Variants in GNB1 observed in about 807,000 individuals in gnomAD.
The protein encoded by GNB1 is G protein subunit beta 1, also known as guanine nucleotide-binding protein G(I)/G(S)/G(T) subunit beta-1.
In GNB1, 2 loss-of-function variants were observed where a neutral mutation model predicts 42.9. That is an observed-to-expected ratio of 0.05 (90% CI 0.02 to 0.15). The LOEUF (loss-of-function observed/expected upper bound fraction) is 0.15, where lower values mean the gene tolerates loss of function less well. Ranked by LOEUF, GNB1 falls within the 10% of genes least tolerant of loss-of-function variation. The probability of loss-of-function intolerance (pLI) is 1.00; values close to 1 mark genes in which losing one functional copy is unlikely to be tolerated. For synonymous variants in GNB1, 183 were observed against 174.7 expected, an observed-to-expected ratio of 1.05 and a Z score of -0.38; for missense variants, 193 against 462.2, an observed-to-expected ratio of 0.42 and a Z score of 5.34.
intron 1 of GNB1, among the ~76,000 whole-genome samples, chr1:1,863,823 A>C (rs1209084607): frequency 6.6e-6 from 1 of 152,240 alleles, no homozygotes; most frequent in Admixed American, 6.5e-5. Context: ...AGTATATGGC[A>C]GCACATAATT....
chr1:1,882,700 A>G, intron 1 of GNB1, among the ~76,000 whole-genome samples: 1 of 152,170 alleles, frequency 6.6e-6, no homozygotes, highest in East Asian at 1.9e-4. Flanking sequence ...AGGCAGGCAG[A>G]TCACGAGGTC....
rs984519325 is a variant in GNB1 at position 1,806,239 on chromosome 1, C to A, written c.267+236G>T. Among the ~76,000 whole-genome samples the A allele has an allele frequency of 3.3e-5, 5 of 152,184 alleles. No homozygotes were observed. The East Asian group carries it at 9.6e-4, about 29-fold the overall frequency. Reference sequence around the variant, plus strand: ...ACAGAAGGTCCTTAGCTCCCACCAGCTTGGTAAGGAGATGACGGACAACAG... The same window carrying A: ...ACAGAAGGTCCTTAGCTCCCACCAGATTGGTAAGGAGATGACGGACAACAG... On this transcript the variant is annotated intron_variant, in intron 6 of 11. Transcript: ENST00000378609.
At chr1:1,873,826 T>G (rs1334923352) in intron 1 of GNB1, among the ~76,000 whole-genome samples, 1 of 151,890 alleles carries the variant, frequency 6.6e-6, no homozygotes, top group Non-Finnish European at 1.5e-5. Context: ...TTAAATAAAC[T>G]TGGCACCGAG....
At chr1:1,872,501 T>TA (rs1649302245) in intron 1 of GNB1, among the ~76,000 whole-genome samples, 1 of 152,194 alleles carries the variant, frequency 6.6e-6, no homozygotes, top group Non-Finnish European at 1.5e-5. Context: ...CTTCCACCCC[T>TA]ACCTCTGCCC....
At chr1:1,829,992 G>A (rs1351471494) in intron 2 of GNB1, among the ~76,000 whole-genome samples, 2 of 151,912 alleles carry the variant, frequency 1.3e-5, no homozygotes, top group Non-Finnish European at 2.9e-5. Context: ...CGCCCACCTC[G>A]GCCTCCCAAA....
chr1:1,836,851 GCTAA>G lies in GNB1; in HGVS notation c.-47+2335_-47+2338del, dbSNP rs1447699694. 5.8e-4 allele frequency among the ~76,000 whole-genome samples: 83 copies of G among 142,966 alleles called. 1 individual carries two copies. The highest frequency in any genetic ancestry group is 1.7e-3 in the African/African-American group (65 of 37,886). The allele number at this position is 142,966 out of a possible 152,430, so 93.8% of individuals were successfully genotyped here. On this transcript the variant is annotated intron_variant, in intron 2 of 11. Transcript: ENST00000378609. ...CAGGTGTGAGCCACCGTGCCCGACTGCTAACTTTTTTTTTTTTTTTTTTTTGAAG... is the reference window on the plus strand; with the variant it reads ...CAGGTGTGAGCCACCGTGCCCGACTGCTTTTTTTTTTTTTTTTTTTTGAAG...
intron 1 of GNB1, among the ~76,000 whole-genome samples, chr1:1,859,500 T>A (rs1648492818): frequency 6.6e-6 from 1 of 151,698 alleles, no homozygotes; most frequent in African/African-American, 2.4e-5. Context: ...AACAAAAAAA[T>A]TCAATAAAGG....
chr1:1,800,925 C>T (rs1314991319), intron 7 of GNB1, among the ~76,000 whole-genome samples: 2 of 152,216 alleles, frequency 1.3e-5, no homozygotes, highest in African/African-American at 2.4e-5. Flanking sequence ...TGACTTGTTC[C>T]GGGTAGGGCT....
chr1:1,861,629 G>T (rs1648632601), intron 1 of GNB1, among the ~76,000 whole-genome samples: 1 of 151,818 alleles, frequency 6.6e-6, no homozygotes, highest in African/African-American at 2.4e-5. Flanking sequence ...TGATGGAGGG[G>T]CAAGAGAGGA....
At chr1:1,803,120 T>C (rs1646647975) in intron 7 of GNB1, among the ~76,000 whole-genome samples, 3 of 152,236 alleles carry the variant, frequency 2.0e-5, no homozygotes, top group South Asian at 4.1e-4. Flanking sequence ...GGCGGAGTGT[T>C]ATCAAAAAGT....
At chr1:1,856,915 G>A (rs1449505774) in intron 1 of GNB1, among the ~76,000 whole-genome samples, 5 of 152,192 alleles carry the variant, frequency 3.3e-5, no homozygotes, top group Admixed American at 2.6e-4. Context: ...TCTTCTGAGG[G>A]AAGTATCCTA....
intron 1 of GNB1, among the ~76,000 whole-genome samples, chr1:1,881,795 G>A (rs1354094446): frequency 2.6e-5 from 4 of 152,152 alleles, no homozygotes; most frequent in Non-Finnish European, 2.9e-5. Context: ...TGGATGTGCT[G>A]TGCTCTTATG....
intron 1 of GNB1, among the ~76,000 whole-genome samples, chr1:1,861,628 G>T (rs1318127534): frequency 1.3e-4 from 20 of 151,804 alleles, no homozygotes; most frequent in Admixed American, 1.3e-3. Flanking sequence ...GTGATGGAGG[G>T]GCAAGAGAGG....
intron 1 of GNB1, among the ~76,000 whole-genome samples, chr1:1,881,276 C>T (rs1423885789): frequency 6.6e-6 from 1 of 152,110 alleles, no homozygotes; most frequent in Non-Finnish European, 1.5e-5. Context: ...GACCCCTTTC[C>T]TCTTCTACAG....
chr1:1,884,020 C>T (rs1650007558), intron 1 of GNB1, among the ~76,000 whole-genome samples: 2 of 148,432 alleles, frequency 1.3e-5, no homozygotes, highest in Non-Finnish European at 3.0e-5. Flanking sequence ...GGCTGCAGTA[C>T]AATGGCACAA....
At chr1:1,879,743 A>G (rs1649739783) in intron 1 of GNB1, among the ~76,000 whole-genome samples, 1 of 151,998 alleles carries the variant, frequency 6.6e-6, no homozygotes, top group Non-Finnish European at 1.5e-5. Context: ...ATTTTCTAAG[A>G]AAAATAATCT....
chr1:1,788,893 G>C, intron 10 of GNB1, 160 bp downstream of exon 10: 1 of 605,292 alleles, frequency 1.7e-6, no homozygotes, highest in Non-Finnish European at 3.0e-6. Context: ...TTGCCTGGAG[G>C]GTCAGAGCTG....
chr1:1,796,649 T>C (rs766325985), intron 7 of GNB1, among the ~76,000 whole-genome samples: 7 of 152,238 alleles, frequency 4.6e-5, no homozygotes, highest in Non-Finnish European at 8.8e-5. Flanking sequence ...GGGCCTGTGC[T>C]GCCACCCTCT....
At chr1:1,797,960 C>T (rs751073250) in intron 7 of GNB1, among the ~76,000 whole-genome samples, 4 of 152,152 alleles carry the variant, frequency 2.6e-5, no homozygotes, top group African/African-American at 4.8e-5. Flanking sequence ...GCACCTGTGC[C>T]GCCCCAGGAT....
Sources: gnomAD v4.1 joint callset for allele counts (sites outside exome capture counted in the v4.1 genomes callset) on GRCh38, gnomAD v4.1.1 for gene constraint, MANE v1.5 for transcripts, NCBI Gene and HGNC (gene_info 2026-07-23, HGNC 2026-07-21) for gene names.